USH2A: variants seen among roughly 807,000 people sequenced by gnomAD.
USH2A encodes Usher syndrome 2A (autosomal recessive, mild).
Under a neutral mutation model 538.9 loss-of-function variants are expected in USH2A, and 443 were observed. That is an observed-to-expected ratio of 0.82 (90% CI 0.76 to 0.89). The LOEUF is 0.89. Among genes scored for constraint, USH2A ranks in the 40% least tolerant of loss-of-function variants. USH2A has a pLI of 0.00. For missense variants in USH2A, 6,633 were observed against 6,324.8 expected (o/e 1.05, Z -1.65); for synonymous variants, 2,413 against 2,273.5 (o/e 1.06, Z -1.75).
At chr1:215,970,211 C>T (rs1010319129) in intron 36 of USH2A, among the ~76,000 whole-genome samples, 1 of 152,102 alleles carries the variant, frequency 6.6e-6, no homozygotes, top group Non-Finnish European at 1.5e-5. Context: ...TAATTGATTA[C>T]TTTTTGGGGA....
At chr1:216,346,499 G>C (rs1261760127) in intron 4 of USH2A, among the ~76,000 whole-genome samples, 1 of 152,018 alleles carries the variant, frequency 6.6e-6, no homozygotes, top group Non-Finnish European at 1.5e-5. Context: ...GCAATAACTA[G>C]GTAGGAAATA....
chr1:215,647,818 G>A, intron 66 of USH2A, 88 bp from the exon 67 acceptor site: 1 of 1,491,618 alleles, frequency 6.7e-7, no homozygotes, highest in East Asian at 2.3e-5. Context: ...TTTGTGAGGA[G>A]ACATTTTGTT....
intron 21 of USH2A, among the ~76,000 whole-genome samples, chr1:216,106,786 C>T (rs1356068568): frequency 6.6e-6 from 1 of 151,756 alleles, no homozygotes; most frequent in Non-Finnish European, 1.5e-5. Context: ...AACCATTTAA[C>T]CTATACATTT....
intron 35 of USH2A, among the ~76,000 whole-genome samples, chr1:215,981,922 A>T (rs1667760427): frequency 6.6e-6 from 1 of 152,166 alleles, no homozygotes; most frequent in Admixed American, 6.5e-5. Context: ...TGAATTAGAG[A>T]AAAAAAGCAA....
chr1:215,841,440 G>A (rs1012726660), intron 46 of USH2A, among the ~76,000 whole-genome samples: 1 of 152,132 alleles, frequency 6.6e-6, no homozygotes, highest in African/African-American at 2.4e-5. Context: ...AACAAGCAGT[G>A]GGGAAAGGAT....
intron 61 of USH2A, among the ~76,000 whole-genome samples, chr1:215,688,307 G>A (rs2820693): frequency 0.38 from 57,476 of 151,860 alleles, 11,142 homozygotes; most frequent in South Asian, 0.56. Context: ...CCAAGAGAAG[G>A]TCAAAAGGAT....
intron 60 of USH2A, among the ~76,000 whole-genome samples, chr1:215,738,120 A>G (rs184716968): frequency 3.1e-4 from 47 of 152,214 alleles, no homozygotes; most frequent in African/African-American, 1.1e-3. Context: ...CATGTTTTGT[A>G]AAGTCTCAAT....
At chr1:215,968,469 C>T (rs1474350723) in intron 36 of USH2A, among the ~76,000 whole-genome samples, 1 of 152,068 alleles carries the variant, frequency 6.6e-6, no homozygotes, top group African/African-American at 2.4e-5. Flanking sequence ...GCTAATACTA[C>T]ATTCAAGTGG....
chr1:216,345,403 C>T (rs2038155564), intron 4 of USH2A, among the ~76,000 whole-genome samples: 1 of 152,098 alleles, frequency 6.6e-6, no homozygotes, highest in African/African-American at 2.4e-5. Context: ...TGTGTTGCAG[C>T]TTGGCCCCCA....
chr1:215,996,261 G>C (rs1486613742), intron 34 of USH2A, among the ~76,000 whole-genome samples: 1 of 152,084 alleles, frequency 6.6e-6, no homozygotes, highest in African/African-American at 2.4e-5. Context: ...CAGGGATTGG[G>C]GATGTTAAGA....
intron 3 of USH2A, among the ~76,000 whole-genome samples, chr1:216,396,884 C>T (rs763746830): frequency 7.9e-5 from 12 of 152,184 alleles, no homozygotes; most frequent in Admixed American, 2.6e-4. Flanking sequence ...GTATTATCTC[C>T]GCCAGCTCCA....
chr1:215,647,449 C>T lies in USH2A; in HGVS notation c.14791+73G>A, dbSNP rs140096022. On this transcript the variant is annotated intron_variant, in intron 67 of 71. Transcript: ENST00000307340. ...AATCTGTTTTTAAAAGTGGCTTCTC[C>T]GAGTTTCAGGGCAAGCTTCTCCTGA... 4.1e-3 allele frequency: 6,511 copies of T among 1,594,240 alleles called. 18 individuals carry two copies. Among genetic ancestry groups the T allele is most frequent in the Non-Finnish European group, 4.9e-3 (5,686 of 1,165,204 alleles).
chr1:216,250,942 G>C lies in USH2A; in HGVS notation c.2128C>G (p.Gln710Glu), dbSNP rs2036147410. The change falls in exon 12 of 72, where the codon CAA (glutamine) becomes GAA (glutamate). Residue 710 changes from glutamine (Q) to glutamate (E), a missense_variant. Transcript: ENST00000307340. ...TTGCACTTGCACTGGCCTGAATTTT[G>C]GTGACAGGTAATATCTCCATCCACT... ...GTVDGDITCH[Q>E]NSGQCKCKAN... 8.1e-6 allele frequency: 13 copies of C among 1,613,928 alleles called. No individual in the cohort carries two copies. The highest frequency in any genetic ancestry group is 1.1e-5 in the Non-Finnish European group (13 of 1,179,964).
chr1:215,724,143 T>G (rs1010669146), intron 61 of USH2A, among the ~76,000 whole-genome samples: 1 of 151,966 alleles, frequency 6.6e-6, no homozygotes, highest in African/African-American at 2.4e-5. Context: ...CCATTTCCAC[T>G]TTCCATATTT....
At chr1:215,897,321 A>G (rs1324140433) in intron 40 of USH2A, among the ~76,000 whole-genome samples, 1 of 152,170 alleles carries the variant, frequency 6.6e-6, no homozygotes, top group Non-Finnish European at 1.5e-5. Context: ...GATGGTATGG[A>G]ATTTAAATGT....
chr1:215,696,994 T>C (rs1037570030), intron 61 of USH2A, among the ~76,000 whole-genome samples: 1 of 152,024 alleles, frequency 6.6e-6, no homozygotes, highest in Non-Finnish European at 1.5e-5. Context: ...ACTTTGACAC[T>C]CAGGCTGGGG....
intron 61 of USH2A, among the ~76,000 whole-genome samples, chr1:215,705,122 T>C (rs1414918791): frequency 6.6e-6 from 1 of 152,220 alleles, no homozygotes; most frequent in East Asian, 1.9e-4. Context: ...AAACACACTG[T>C]TATTTTTTTA....
intron 58 of USH2A, among the ~76,000 whole-genome samples, chr1:215,748,795 G>A (rs528957368): frequency 6.6e-6 from 1 of 152,190 alleles, no homozygotes; most frequent in Non-Finnish European, 1.5e-5. Context: ...CTACCTCATA[G>A]AGAGTTGTGA....
intron 21 of USH2A, among the ~76,000 whole-genome samples, chr1:216,117,753 T>G (rs1219432291): frequency 6.6e-6 from 1 of 151,540 alleles, no homozygotes; most frequent in Non-Finnish European, 1.5e-5. Flanking sequence ...GCCCTCACTC[T>G]GACCTCATAT....
Sources: gnomAD v4.1 joint callset for allele counts (sites outside exome capture counted in the v4.1 genomes callset) on GRCh38, gnomAD v4.1.1 for gene constraint, MANE v1.5 for transcripts, NCBI Gene and HGNC (gene_info 2026-07-23, HGNC 2026-07-21) for gene names.